The following CUX1 variants were observed in gnomAD, a reference collection of about 807,000 sequenced individuals.
CUX1 encodes the protein cut like homeobox 1.
CUX1 carries 31 observed loss-of-function variants against 158.8 expected under a neutral mutation model. The observed-to-expected ratio is 0.20, with a 90% CI of 0.15 to 0.26. CUX1 has a LOEUF of 0.26. CUX1 is among the 10% of genes least tolerant of loss of function. The pLI, the probability that CUX1 is intolerant of heterozygous loss-of-function variation, is 1.00. For missense variants in CUX1, 1,589 were observed against 2,014.6 expected (o/e 0.79, Z 4.04); for synonymous variants, 879 against 862.1 (o/e 1.02, Z -0.34).
chr7:102,047,993 C>T (rs1823020023), intron 3 of CUX1, among the ~76,000 whole-genome samples: 1 of 152,028 alleles, frequency 6.6e-6, no homozygotes. Context: ...ATGTCTCGTC[C>T]CTCCCCCAGT....
At chr7:102,168,203 C>T (rs536516438) in intron 9 of CUX1, among the ~76,000 whole-genome samples, 20 of 152,106 alleles carry the variant, frequency 1.3e-4, no homozygotes, top group Non-Finnish European at 1.9e-4. Context: ...TCAGTGTGGA[C>T]GAGAGATAGT....
intron 20 of CUX1, chr7:102,281,758 G>A (rs1355503748): frequency 6.6e-6 from 6 of 916,008 alleles, no homozygotes; most frequent in Non-Finnish European, 1.1e-5. Flanking sequence ...GCCACCCTAG[G>A]GCCCTTTCTG....
chr7:101,976,219 A>G lies in CUX1; in HGVS notation c.142-51879A>G, dbSNP rs559396854. On this transcript the variant is annotated intron_variant, in intron 2 of 23. Coordinates refer to ENST00000292535, the MANE Select transcript of CUX1 (RefSeq NM_181552.4). ...TTCCCAAATCTACCATTCATTTTGT[A>G]AACATAAACTATATTTCTGTACTCT... Among the ~76,000 whole-genome samples the G allele has an allele frequency of 2.0e-5, 3 of 152,336 alleles. No individual in the cohort carries two copies. In the East Asian group the frequency reaches 5.8e-4, roughly 29 times the overall value.
At chr7:101,817,196 C>G, upstream of CUX1, 1 of 984,508 alleles carries the variant, frequency 1.0e-6, no homozygotes, top group Non-Finnish European at 1.2e-6. This position sits in a 1 kb window ranked among gnomAD's most constrained non-coding sequence, Gnocchi z 4.1. Flanking sequence ...CCCGGGTGCC[C>G]GGGCAGTGTA....
intron 7 of CUX1, among the ~76,000 whole-genome samples, chr7:102,114,860 G>T (rs1294817875): frequency 6.6e-6 from 1 of 150,720 alleles, no homozygotes; most frequent in Admixed American, 6.6e-5. Flanking sequence ...CAGCCTGGGT[G>T]ACAGAGTGAG....
chr7:102,246,574 G>T (rs1449496270), intron 23 of CUX1, among the ~76,000 whole-genome samples: 2 of 148,980 alleles, frequency 1.3e-5, no homozygotes, highest in Admixed American at 6.6e-5. Flanking sequence ...GAAAACCTTT[G>T]TTTTTTTTTT....
chr7:102,088,729 T>A (rs1828211078), intron 4 of CUX1, among the ~76,000 whole-genome samples: 1 of 152,222 alleles, frequency 6.6e-6, no homozygotes, highest in Non-Finnish European at 1.5e-5. Context: ...AGACAGGCGA[T>A]CTCCAGTAAT....
At chr7:101,854,455 C>T (rs146114665) in intron 1 of CUX1, among the ~76,000 whole-genome samples, 101 of 152,170 alleles carry the variant, frequency 6.6e-4, no homozygotes, top group African/African-American at 2.4e-3. Flanking sequence ...TCAAATCCTG[C>T]CTCCATCATT....
At chr7:102,169,320 C>T (rs1045326913) in intron 9 of CUX1, among the ~76,000 whole-genome samples, 14 of 152,162 alleles carry the variant, frequency 9.2e-5, no homozygotes, top group Non-Finnish European at 1.8e-4. Context: ...CCACCCGCCT[C>T]GGCTTCCCAA....
intron 8 of CUX1, among the ~76,000 whole-genome samples, chr7:102,150,895 C>T (rs953808127): frequency 1.3e-5 from 2 of 152,170 alleles, no homozygotes; most frequent in African/African-American, 2.4e-5. Context: ...GAAGCTGTTT[C>T]GTCAGCTCAT....
At chr7:101,849,912 ATTTTTTTTTTTT>A (rs71106570) in intron 1 of CUX1, among the ~76,000 whole-genome samples, 11 of 124,294 alleles carry the variant, frequency 8.8e-5, no homozygotes, top group East Asian at 3.3e-4. Context: ...GTCTCATGCA[ATTTTTTTTTTTT>A]TTTTTTTTTT....
At chr7:102,020,506 T>C (rs1476012772) in intron 2 of CUX1, among the ~76,000 whole-genome samples, 1 of 152,216 alleles carries the variant, frequency 6.6e-6, no homozygotes, top group Non-Finnish European at 1.5e-5. Flanking sequence ...TAACGTGACA[T>C]CCAGGAAAAT....
chr7:102,165,591 C>T (rs937404878), intron 9 of CUX1, among the ~76,000 whole-genome samples: 2 of 152,184 alleles, frequency 1.3e-5, no homozygotes, highest in African/African-American at 2.4e-5. Flanking sequence ...TCTCAAACCC[C>T]TGACCTCAAG....
intron 14 of CUX1, among the ~76,000 whole-genome samples, chr7:102,265,233 G>C (rs191212379): frequency 6.6e-6 from 1 of 151,916 alleles, no homozygotes; most frequent in Non-Finnish European, 1.5e-5. Context: ...GCGGGCGCCT[G>C]TAATCCCAGC....
At chr7:102,002,294 T>A (rs1816773695) in intron 2 of CUX1, among the ~76,000 whole-genome samples, 1 of 152,184 alleles carries the variant, frequency 6.6e-6, no homozygotes, top group Admixed American at 6.5e-5. Context: ...AGTGAGACCC[T>A]GTCTCAGAAA....
intron 2 of CUX1, chr7:101,932,730 ATTGCT>A: frequency 5.0e-6 from 2 of 401,030 alleles, no homozygotes; most frequent in South Asian, 3.5e-5. Flanking sequence ...TATTTAAATG[ATTGCT>A]TTGCCGCCAT....
chr7:102,208,116 A>G (rs1796132996), intron 20 of CUX1, among the ~76,000 whole-genome samples: 1 of 152,096 alleles, frequency 6.6e-6, no homozygotes, highest in Non-Finnish European at 1.5e-5. Context: ...TGAGCCCAGG[A>G]GGTCGAGGCT....
At chr7:102,202,736 T>C (rs1225487446) in intron 18 of CUX1, among the ~76,000 whole-genome samples, 2 of 152,160 alleles carry the variant, frequency 1.3e-5, no homozygotes, top group African/African-American at 2.4e-5. Context: ...TTGGATATTG[T>C]TCAGTCAGAG....
intron 2 of CUX1, among the ~76,000 whole-genome samples, chr7:101,956,548 T>C (rs951350475): frequency 6.6e-6 from 1 of 152,202 alleles, no homozygotes; most frequent in Non-Finnish European, 1.5e-5. Context: ...ATAATAGGAA[T>C]GTCTGTTCAG....
Sources: gnomAD v4.1 joint callset for allele counts (sites outside exome capture counted in the v4.1 genomes callset) on GRCh38, gnomAD v4.1.1 for gene constraint, Gnocchi (gnomAD v3.1) non-coding constraint, MANE v1.5 for transcripts, NCBI Gene and HGNC (gene_info 2026-07-23, HGNC 2026-07-21) for gene names.